RBFOX1: variants seen among roughly 807,000 people sequenced by gnomAD.
RBFOX1 encodes RNA binding fox-1 homolog 1.
Under a neutral mutation model 57.7 loss-of-function variants are expected in RBFOX1, and 8 were observed. The ratio of observed to expected loss-of-function variants is 0.14; its 90% CI spans 0.08 to 0.25. The LOEUF (loss-of-function observed/expected upper bound fraction) is 0.25. Among genes scored for constraint, RBFOX1 ranks in the 10% least tolerant of loss-of-function variants. The pLI, the probability that RBFOX1 is intolerant of heterozygous loss-of-function variation, is 1.00. For synonymous variants in RBFOX1, 326 were observed against 222.4 expected (o/e 1.47, Z -4.15); for missense variants, 611 against 548.5 (o/e 1.11, Z -1.14).
intron 4 of RBFOX1, among the ~76,000 whole-genome samples, chr16:7,362,148 GTGTT>G: frequency 6.6e-6 from 1 of 151,620 alleles, no homozygotes; most frequent in East Asian, 1.9e-4. Context: ...TAGTGTATGT[GTGTT>G]AGTGTATGTT....
At chr16:6,796,628 C>T (rs1375669165) in intron 3 of RBFOX1, among the ~76,000 whole-genome samples, 1 of 152,120 alleles carries the variant, frequency 6.6e-6, no homozygotes, top group East Asian at 1.9e-4. Context: ...AACTTTCTCT[C>T]TGTCTCTTGT....
At chr16:6,193,415 T>TATAC (rs2097159504) in intron 1 of RBFOX1, among the ~76,000 whole-genome samples, 1 of 119,238 alleles carries the variant, frequency 8.4e-6, no homozygotes, top group South Asian at 2.6e-4. Flanking sequence ...TATATATATA[T>TATAC]ATATATATAT....
At chr16:7,217,014 TC>T (rs2092175588) in intron 4 of RBFOX1, among the ~76,000 whole-genome samples, 1 of 11,676 alleles carries the variant, frequency 8.6e-5, no homozygotes, top group Admixed American at 9.9e-4. Flanking sequence ...CTCCCTTCCC[TC>T]CCTCCCTCCC....
At chr16:7,038,617 G>C (rs1475013188) in intron 3 of RBFOX1, among the ~76,000 whole-genome samples, 2 of 152,044 alleles carry the variant, frequency 1.3e-5, no homozygotes, top group Admixed American at 1.3e-4. Context: ...TCATGGCCAG[G>C]GGCTGCCCTT....
chr16:5,277,866 C>T (rs559781011), intron 1 of RBFOX1, among the ~76,000 whole-genome samples: 15 of 152,188 alleles, frequency 9.9e-5, no homozygotes, highest in African/African-American at 2.9e-4. Flanking sequence ...TTCTATTGTG[C>T]GTATATTCCC....
At chr16:6,617,721 G>C (rs1257150775) in intron 2 of RBFOX1, among the ~76,000 whole-genome samples, 1 of 152,124 alleles carries the variant, frequency 6.6e-6, no homozygotes, top group Non-Finnish European at 1.5e-5. Flanking sequence ...AGGAAGAAGA[G>C]ACAGCATAGA....
At chr16:7,182,970 T>C (rs564466385) in intron 4 of RBFOX1, among the ~76,000 whole-genome samples, 3 of 152,220 alleles carry the variant, frequency 2.0e-5, no homozygotes, top group Non-Finnish European at 4.4e-5. Context: ...CTTCCCACAC[T>C]GGAATCTAAG....
chr16:5,902,955 G>C (rs2058342873), intron 4 of RBFOX1, among the ~76,000 whole-genome samples: 1 of 152,094 alleles, frequency 6.6e-6, no homozygotes, highest in Non-Finnish European at 1.5e-5. Flanking sequence ...CTCTACTACA[G>C]TTCTTATCTC....
chr16:7,697,880 T>C (rs1222424854), intron 14 of RBFOX1, among the ~76,000 whole-genome samples: 1 of 152,218 alleles, frequency 6.6e-6, no homozygotes, highest in Non-Finnish European at 1.5e-5. Flanking sequence ...TGTATGATTC[T>C]TTAGCAGTTG....
chr16:6,986,462 G>C (rs2090310605), intron 3 of RBFOX1, among the ~76,000 whole-genome samples: 1 of 152,118 alleles, frequency 6.6e-6, no homozygotes, highest in South Asian at 2.1e-4. Context: ...GCCTCCCAAA[G>C]TGCTGGTATT....
chr16:7,094,391 C>T (rs1054436475), intron 4 of RBFOX1, among the ~76,000 whole-genome samples: 3 of 142,616 alleles, frequency 2.1e-5, no homozygotes, highest in Non-Finnish European at 4.8e-5. Flanking sequence ...CGAAGACATT[C>T]CAGGTGAAAA....
intron 1 of RBFOX1, among the ~76,000 whole-genome samples, chr16:5,447,603 G>C (rs2068288903): frequency 1.3e-5 from 2 of 152,076 alleles, no homozygotes; most frequent in African/African-American, 4.8e-5. Flanking sequence ...TCACCATGTT[G>C]GCCAGGCTGA....
Position 6,664,787 on chromosome 16 carries a change from C to G in RBFOX1, c.-16+10137C>G, listed in dbSNP as rs113352100. Among the ~76,000 whole-genome samples, 998 of 152,254 alleles carry G rather than the reference C, an allele frequency of 6.6e-3. 12 individuals carry two copies. The highest frequency in any genetic ancestry group is 0.023 in the African/African-American group (946 of 41,546). ...AAATCCTCAGCAGTTTTGTTCACTC[C>G]TCCTAATTTATTTCAAAAGGCAAGG... On this transcript the variant is annotated intron_variant, in intron 3 of 15. Coordinates refer to ENST00000550418, the MANE Select transcript of RBFOX1 (RefSeq NM_018723.4).
intron 2 of RBFOX1, among the ~76,000 whole-genome samples, chr16:6,473,968 G>T (rs535919482): frequency 3.9e-5 from 6 of 152,276 alleles, no homozygotes; most frequent in East Asian, 1.9e-4. Context: ...TCCTGGACCA[G>T]TTACTAGAGA....
At chr16:6,698,774 G>C (rs978939487) in intron 3 of RBFOX1, among the ~76,000 whole-genome samples, 2 of 152,120 alleles carry the variant, frequency 1.3e-5, no homozygotes, top group Non-Finnish European at 2.9e-5. Flanking sequence ...CCCACGGTTT[G>C]ACTTTCTAAG....
At chr16:5,676,237 G>T (rs2050165929) in intron 3 of RBFOX1, among the ~76,000 whole-genome samples, 1 of 148,814 alleles carries the variant, frequency 6.7e-6, no homozygotes, top group Non-Finnish European at 1.5e-5. Context: ...TGGTATTCCA[G>T]AACTTAAAGT....
intron 3 of RBFOX1, among the ~76,000 whole-genome samples, chr16:6,869,635 C>G (rs2060526972): frequency 1.3e-5 from 2 of 152,144 alleles, no homozygotes. Context: ...CTGTTTTCAA[C>G]TCTGACGTGT....
chr16:6,464,265 AT>A (rs1567335293), intron 2 of RBFOX1, among the ~76,000 whole-genome samples: 3 of 152,202 alleles, frequency 2.0e-5, no homozygotes, highest in Admixed American at 1.3e-4. Context: ...AACAAAAAAA[AT>A]CATATATTAA....
chr16:6,741,637 C>G (rs1009908961), intron 3 of RBFOX1, among the ~76,000 whole-genome samples: 3 of 151,188 alleles, frequency 2.0e-5, no homozygotes, highest in South Asian at 4.2e-4. Flanking sequence ...CCACTGCACT[C>G]CAGCCTGGGC....
Sources: allele counts gnomAD v4.1 joint callset (sites outside exome capture counted in the v4.1 genomes callset), GRCh38; gene constraint gnomAD v4.1.1; transcripts MANE v1.5; gene names NCBI Gene and HGNC (gene_info 2026-07-23, HGNC 2026-07-21).